Variants in ADAM28 observed in about 807,000 individuals in gnomAD.
ADAM28 encodes the protein disintegrin and metalloproteinase domain-containing protein 28.
A neutral mutation model predicts 101.2 loss-of-function variants in ADAM28; 105 were observed. The observed-to-expected ratio is 1.04, with a 90% CI of 0.89 to 1.22. The LOEUF is 1.22. Among genes scored for constraint, ADAM28 ranks in the 50% most tolerant of loss-of-function variants. The probability of loss-of-function intolerance (pLI) is 0.00; values close to 1 mark genes in which losing one functional copy is unlikely to be tolerated. For synonymous variants in ADAM28, 322 were observed against 310.6 expected (o/e 1.04, Z -0.39); for missense variants, 1,028 against 945.4 (o/e 1.09, Z -1.15).
rs1816544192 is a variant in ADAM28 at position 24,354,508 on chromosome 8, G to A, written c.*104G>A. On this transcript the variant is annotated 3_prime_UTR_variant, in exon 23 of 23. Transcript: ENST00000265769. ...ATCTATCTCACCAGTATTTGCTCTC[G>A]ACTCAAGAAGGTTAACATTTTCTGA... 7.4e-6 allele frequency: 10 copies of A among 1,357,644 alleles called. No individual in the cohort carries two copies. The highest frequency in any genetic ancestry group is 1.5e-5 in the African/African-American group (1 of 66,286). 84.1% of individuals were successfully genotyped at this position (1,357,644 alleles called of 1,614,324 possible). A position where few individuals can be genotyped will look rare whatever the true frequency, so the allele number is the denominator to read the frequency against.
Position 24,313,370 on chromosome 8 carries a change from A to C in ADAM28, c.384-18A>C. 1 of 1,595,104 alleles carries C rather than the reference A, an allele frequency of 6.3e-7. No individual in the cohort carries two copies. The highest frequency in any genetic ancestry group is 8.5e-7 in the Non-Finnish European group (1 of 1,171,540). Reference sequence around the variant, plus strand: ...CAACAATATTTGTTAAGAAGCCAGAACTCTCATGTTTTTTCAGGGGCTACT... The same window carrying C: ...CAACAATATTTGTTAAGAAGCCAGACCTCTCATGTTTTTTCAGGGGCTACT... On this transcript the variant is annotated intron_variant, in intron 5 of 22. Coordinates refer to ENST00000265769, the MANE Select transcript of ADAM28 (RefSeq NM_014265.6).
At chr8:24,326,754 CTGAT>C (rs1251299777) in intron 10 of ADAM28, 119 bp downstream of exon 10, 5 of 872,300 alleles carry the variant, frequency 5.7e-6, no homozygotes, top group Middle Eastern at 2.4e-4. Context: ...GTAAATAACA[CTGAT>C]TGAATTTCAA....
At chr8:24,315,362 A>T (rs1383815516) in intron 6 of ADAM28, among the ~76,000 whole-genome samples, 1 of 152,026 alleles carries the variant, frequency 6.6e-6, no homozygotes, top group Non-Finnish European at 1.5e-5. Flanking sequence ...TGAAAAAAAG[A>T]TCTTAAAGGA....
At chr8:24,300,705 C>T (rs6993515) in intron 2 of ADAM28, among the ~76,000 whole-genome samples, 4,838 of 152,194 alleles carry the variant, frequency 0.032, 244 homozygotes, top group African/African-American at 0.11. Context: ...CGTGAGCTAC[C>T]GCCTAGCCAT....
rs567209612 is a variant in ADAM28, at chr8:24,307,442, C to T, written c.151-2452C>T. On this transcript the variant is annotated intron_variant, in intron 2 of 22. Transcript: ENST00000265769. ...CATGCCACATTGCTTAATATTTCAG[C>T]TAGACTGAAATAATCCTGTGTAAAA... Among the ~76,000 whole-genome samples the T allele has an allele frequency of 1.1e-4, 17 of 152,256 alleles. 1 individual carries two copies. Among genetic ancestry groups the T allele is most frequent in the Admixed American group, 4.6e-4 (7 of 15,284 alleles).
intron 4 of ADAM28, 91 bp downstream of exon 4, chr8:24,310,332 T>C: frequency 8.5e-7 from 1 of 1,172,482 alleles, no homozygotes; most frequent in South Asian, 1.4e-5. Flanking sequence ...GAAGTGAAAC[T>C]GCATTTGTAA....
chr8:24,313,856 T>C (rs9314280), intron 6 of ADAM28, among the ~76,000 whole-genome samples: 151,644 of 151,730 alleles, frequency 1, 75,779 homozygotes, highest in Middle Eastern at 1. Flanking sequence ...CTCCCAGGTT[T>C]GAGTGATTCT....
chr8:24,309,095 C>G (rs1810087017), intron 2 of ADAM28, among the ~76,000 whole-genome samples: 1 of 152,244 alleles, frequency 6.6e-6, no homozygotes, highest in Non-Finnish European at 1.5e-5. Context: ...AACTTAGTAC[C>G]CCAAAACATC....
At position 24,353,814 on chromosome 8, in the gene ADAM28, T is replaced by C. The variant is rs1043366607; in HGVS notation, c.2289T>C (p.Asn763=). The C allele has an allele frequency of 1.7e-5, 26 of 1,522,212 alleles. No homozygotes were observed. The highest frequency in any genetic ancestry group is 2.3e-5 in the Non-Finnish European group (25 of 1,097,090). 94.3% of individuals were successfully genotyped at this position (1,522,212 alleles called of 1,614,324 possible). Residue 763 remains asparagine, a synonymous_variant, in exon 22 of 23, where the codon AAT becomes AAC. Transcript: ENST00000265769. Reference sequence around the variant, plus strand: ...TTCCCCCTACTGTTTTCAAGGATAATCCAGTGTCTACACCTAAGGTAAGAG... The same window carrying C: ...TTCCCCCTACTGTTTTCAAGGATAACCCAGTGTCTACACCTAAGGTAAGAG... The part of the protein sequence containing the change: ...NALPPTVFKD[N]PVSTPKDSNP...
chr8:24,353,305 G>A (rs1442403075), intron 21 of ADAM28, among the ~76,000 whole-genome samples: 1 of 151,978 alleles, frequency 6.6e-6, no homozygotes, highest in Non-Finnish European at 1.5e-5. Flanking sequence ...AAGCAAACCT[G>A]GAATAAGAGT....
At chr8:24,312,681 T>C (rs529108738) in intron 5 of ADAM28, among the ~76,000 whole-genome samples, 12 of 151,984 alleles carry the variant, frequency 7.9e-5, no homozygotes, top group African/African-American at 2.9e-4. Context: ...GATTATTTGA[T>C]ACACATCCAT....
intron 18 of ADAM28, among the ~76,000 whole-genome samples, chr8:24,348,524 A>G (rs11987715): frequency 0.18 from 26,764 of 152,080 alleles, 2,478 homozygotes; most frequent in East Asian, 0.35. Context: ...CTGTCTCTCC[A>G]GGTCCTTGCC....
intron 18 of ADAM28, among the ~76,000 whole-genome samples, chr8:24,344,897 T>G (rs1179576207): frequency 6.6e-6 from 1 of 152,094 alleles, no homozygotes; most frequent in African/African-American, 2.4e-5. Context: ...GTATTTCTGT[T>G]GCCAAATATT....
At chr8:24,350,052 C>T (rs1175987518) in intron 19 of ADAM28, 80 bp downstream of exon 19, 3 of 1,217,388 alleles carry the variant, frequency 2.5e-6, no homozygotes, top group East Asian at 4.9e-5. Flanking sequence ...ATAACCTATC[C>T]TTTCAAATTG....
chr8:24,309,781 G>T, intron 2 of ADAM28, 113 bp from the exon 3 acceptor site: 1 of 731,314 alleles, frequency 1.4e-6, no homozygotes, highest in Non-Finnish European at 2.3e-6. Flanking sequence ...GCAAGTATTT[G>T]GTATTATACT....
intron 21 of ADAM28, 51 bp from the exon 22 acceptor site, chr8:24,353,719 G>C (rs1340699168): frequency 6.2e-6 from 7 of 1,135,834 alleles, no homozygotes; most frequent in Non-Finnish European, 9.3e-6. Context: ...GCTAAGATGG[G>C]ACAAGCATAG....
At chr8:24,300,137 A>G (rs547535984) in intron 2 of ADAM28, 60 bp downstream of exon 2, 1 of 1,316,516 alleles carries the variant, frequency 7.6e-7, no homozygotes, top group Non-Finnish European at 1.1e-6. Flanking sequence ...ACACATATAT[A>G]TATCTATCTA....
rs1198264479 is a variant in ADAM28 at position 24,331,293 on chromosome 8, A to T, written c.1247A>T (p.Glu416Val). Residue 416 changes from glutamate (E) to valine (V), a missense_variant, in exon 12 of 23, where the codon GAA becomes GTA. Coordinates refer to ENST00000265769, the MANE Select transcript of ADAM28 (RefSeq NM_014265.6). ...STPICGNQLVEMGEDCDCGTS... is the reference protein window; with the variant it reads ...STPICGNQLVVMGEDCDCGTS... Reference sequence around the variant, plus strand: ...CCAATTTGTGGGAACCAGTTGGTGGAAATGGGAGAGGACTGTGATTGTGGG... The same window carrying T: ...CCAATTTGTGGGAACCAGTTGGTGGTAATGGGAGAGGACTGTGATTGTGGG... 6.2e-7 allele frequency: 1 copy of T among 1,612,208 alleles called. No individual in the cohort carries two copies. Among genetic ancestry groups the T allele is most frequent in the East Asian group, 2.2e-5 (1 of 44,848 alleles).
chr8:24,335,806 G>C, intron 14 of ADAM28, 165 bp downstream of exon 14: 1 of 1,279,650 alleles, frequency 7.8e-7, no homozygotes, highest in Non-Finnish European at 9.9e-7. Context: ...AGGGTTGCTA[G>C]ATTTAGCAAG....
Sources: allele counts gnomAD v4.1 joint callset (sites outside exome capture counted in the v4.1 genomes callset), GRCh38; gene constraint gnomAD v4.1.1; transcripts MANE v1.5; gene names NCBI Gene and HGNC (gene_info 2026-07-23, HGNC 2026-07-21).